Variants in DLG2 observed in about 807,000 individuals in gnomAD.
DLG2 encodes disks large homolog 2.
Under a neutral mutation model 132.5 loss-of-function variants are expected in DLG2, and 45 were observed. That is an observed-to-expected ratio of 0.34 (90% confidence interval 0.27 to 0.44). The LOEUF is 0.44. Among genes scored for constraint, DLG2 ranks in the 20% least tolerant of loss-of-function variants. The pLI is 1.00. For synonymous variants in DLG2, 424 were observed against 419.6 expected (o/e 1.01, Z -0.13); for missense variants, 1,045 against 1,196.9 (o/e 0.87, Z 1.87).
intron 19 of DLG2, among the ~76,000 whole-genome samples, chr11:83,545,394 A>G (rs1452342559): frequency 1.3e-5 from 2 of 152,148 alleles, no homozygotes; most frequent in Admixed American, 1.3e-4. Flanking sequence ...AAAATATATT[A>G]GAATTTGAAT....
chr11:83,455,082 C>G (rs1240564052), downstream of DLG2: 2 of 152,590 alleles, frequency 1.3e-5, no homozygotes, highest in Non-Finnish European at 2.9e-5. Flanking sequence ...TATAAACACT[C>G]TATCAGGCAT....
chr11:84,098,444 G>A (rs1463737921), intron 10 of DLG2, among the ~76,000 whole-genome samples: 4 of 152,136 alleles, frequency 2.6e-5, no homozygotes, highest in African/African-American at 9.7e-5. Context: ...AGTGGACTCA[G>A]AGGAAACCTT....
At chr11:83,779,533 C>T (rs1048841381) in intron 18 of DLG2, among the ~76,000 whole-genome samples, 1 of 152,138 alleles carries the variant, frequency 6.6e-6, no homozygotes, top group Non-Finnish European at 1.5e-5. Flanking sequence ...AATCTCATTG[C>T]ATTCCATTCC....
rs185334102 is a variant in DLG2, at chr11:84,623,520, A to C, written c.358-88789T>G. Among the ~76,000 whole-genome samples the C allele has an allele frequency of 3.8e-3, 572 of 152,340 alleles. 3 individuals are homozygous for C. Among genetic ancestry groups the C allele is most frequent in the African/African-American group, 0.013 (557 of 41,570 alleles). On this transcript the variant is annotated intron_variant, in intron 6 of 27. Coordinates refer to ENST00000376104, the MANE Select transcript of DLG2 (RefSeq NM_001142699.3). ...AGAAATATTATTATAATATTATCAC[A>C]GTTTTACAGATGAAGGAATGATTAG... is the stretch of plus-strand genomic sequence containing the variant.
At chr11:85,458,429 T>C (rs1038092658) in intron 3 of DLG2, among the ~76,000 whole-genome samples, 12 of 152,216 alleles carry the variant, frequency 7.9e-5, no homozygotes, top group Non-Finnish European at 1.8e-4. Flanking sequence ...GAATTCTATT[T>C]CTGTCATTTC....
At chr11:84,859,232 T>C (rs904739296) in intron 6 of DLG2, among the ~76,000 whole-genome samples, 3 of 150,388 alleles carry the variant, frequency 2.0e-5, no homozygotes, top group Admixed American at 6.7e-5. Flanking sequence ...TACAAACCAA[T>C]AGGAGGATAT....
intron 22 of DLG2, chr11:83,480,728 C>T: frequency 9.6e-7 from 1 of 1,043,746 alleles, no homozygotes. Context: ...CTCTGACTTT[C>T]AAGATTTATG....
At chr11:83,469,602 G>A (rs1308482356) in intron 24 of DLG2, among the ~76,000 whole-genome samples, 1 of 152,064 alleles carries the variant, frequency 6.6e-6, no homozygotes, top group African/African-American at 2.4e-5. Context: ...GAAGTACAGG[G>A]CTGTAATCTT....
chr11:84,554,602 C>A (rs892034458), intron 6 of DLG2, among the ~76,000 whole-genome samples: 2 of 151,942 alleles, frequency 1.3e-5, no homozygotes, highest in Non-Finnish European at 2.9e-5. Context: ...CAAAATTAGC[C>A]GGGCATGGTG....
intron 5 of DLG2, among the ~76,000 whole-genome samples, chr11:85,127,382 C>T (rs200815141): frequency 2.0e-5 from 3 of 151,542 alleles, no homozygotes; most frequent in Middle Eastern, 3.4e-3. Context: ...GAAAGCCTCC[C>T]GATATTTATC....
At chr11:85,084,635 C>G (rs1265687139) in intron 6 of DLG2, among the ~76,000 whole-genome samples, 1 of 152,086 alleles carries the variant, frequency 6.6e-6, no homozygotes, top group Non-Finnish European at 1.5e-5. Context: ...AATCCAAGGA[C>G]TCATAACTAG....
chr11:83,809,213 C>G (rs1257234587), intron 17 of DLG2, among the ~76,000 whole-genome samples: 1 of 152,162 alleles, frequency 6.6e-6, no homozygotes, highest in Non-Finnish European at 1.5e-5. Flanking sequence ...AAAAATAAAT[C>G]TTTCTCATTC....
chr11:83,927,711 TG>T (rs1195867817), intron 15 of DLG2, among the ~76,000 whole-genome samples: 2 of 152,172 alleles, frequency 1.3e-5, no homozygotes, highest in African/African-American at 4.8e-5. Context: ...CAGATCACTT[TG>T]GTTGCACTGA....
At chr11:84,763,921 C>T (rs938776967) in intron 6 of DLG2, among the ~76,000 whole-genome samples, 3 of 152,100 alleles carry the variant, frequency 2.0e-5, no homozygotes, top group African/African-American at 7.2e-5. Context: ...GGGGCTACAT[C>T]AGCAAAAGCC....
chr11:84,133,642 T>A (rs4944466), intron 9 of DLG2, among the ~76,000 whole-genome samples: 1 of 139,904 alleles, frequency 7.1e-6, no homozygotes, highest in Middle Eastern at 3.8e-3. Flanking sequence ...TTCTTCTTCT[T>A]CTACTTCTTC....
chr11:83,745,725 C>A (rs919142910), intron 18 of DLG2, among the ~76,000 whole-genome samples: 4 of 151,988 alleles, frequency 2.6e-5, no homozygotes, highest in African/African-American at 9.7e-5. Flanking sequence ...CTGCTTGAAC[C>A]CAGGAGGCAG....
intron 22 of DLG2, chr11:83,483,304 T>A: frequency 6.2e-7 from 1 of 1,611,422 alleles, no homozygotes; most frequent in Non-Finnish European, 8.5e-7. Context: ...ATGTCCTGCA[T>A]GGAAGTCCCC....
chr11:85,404,541 T>A (rs1427492899), intron 3 of DLG2, among the ~76,000 whole-genome samples: 1 of 151,900 alleles, frequency 6.6e-6, no homozygotes, highest in Non-Finnish European at 1.5e-5. Context: ...ACAGAAAATT[T>A]GAGAGACACT....
chr11:84,467,056 T>A (rs2099096377), intron 7 of DLG2, among the ~76,000 whole-genome samples: 1 of 151,278 alleles, frequency 6.6e-6, no homozygotes, highest in Non-Finnish European at 1.5e-5. Context: ...GATACCCCAA[T>A]AGCAACGACC....
Sources: gnomAD v4.1 joint callset for allele counts (sites outside exome capture counted in the v4.1 genomes callset) on GRCh38, gnomAD v4.1.1 for gene constraint, MANE v1.5 for transcripts, NCBI Gene and HGNC (gene_info 2026-07-23, HGNC 2026-07-21) for gene names.